ZNF623: variants seen among roughly 807,000 people sequenced by gnomAD.
ZNF623 encodes zinc finger protein 623.
Under a neutral mutation model 24.0 loss-of-function variants are expected in ZNF623, and 16 were observed. That is an observed-to-expected ratio of 0.67 (90% CI 0.45 to 1.01). The LOEUF is 1.01. Ranked by LOEUF, ZNF623 falls within the 50% of genes least tolerant of loss-of-function variation. The probability of loss-of-function intolerance (pLI) is 0.00; values close to 1 mark genes in which losing one functional copy is unlikely to be tolerated. For missense variants in ZNF623, 566 were observed against 606.5 expected (o/e 0.93, Z 0.70); for synonymous variants, 224 against 219.8 (o/e 1.02, Z -0.17).
At position 143,641,038 on chromosome 8, in the gene ZNF623, C is replaced by T. The variant is rs894675102; in HGVS notation, c.-96+4893C>T. ...AATTCAGTGACATCTTTAGGCTACA[C>T]TTCTAAATCTAGCTCTCTTGCTATT... On this transcript the variant is annotated intron_variant, in intron 1 of 1. Transcript: ENST00000526926. Among the ~76,000 whole-genome samples the T allele has an allele frequency of 2.0e-5, 3 of 149,570 alleles. No individual in the cohort carries two copies. In the South Asian group the frequency reaches 6.5e-4, roughly 32 times the overall value.
At position 143,650,232 on chromosome 8, in the gene ZNF623, G is replaced by A. The variant is rs1022885143; in HGVS notation, c.240G>A (p.Gly80=). The change falls in exon 2 of 2, where the codon GGG becomes GGA. Residue 80 remains glycine, a synonymous_variant. Transcript: ENST00000526926. This position sits in a 1 kb window ranked among gnomAD's most constrained non-coding sequence, Gnocchi z 5.2. The stretch of plus-strand genomic sequence containing the variant: ...TGCTTCAGAGAGAGCTCATAGAGGG[G>A]GAAGCCAATCCTTGCGATATCTGTG... The part of the protein sequence containing the change: ...LLLLQRELIE[G]EANPCDICGK... 1.2e-6 allele frequency: 2 copies of A among 1,614,186 alleles called. No homozygotes were observed. The highest frequency in any genetic ancestry group is 4.5e-5 in the East Asian group (2 of 44,882).
chr8:143,649,839 T>A, intron 1 of ZNF623, 59 bp from the exon 2 acceptor site: 1 of 1,566,942 alleles, frequency 6.4e-7, no homozygotes, highest in Non-Finnish European at 8.7e-7. Flanking sequence ...CTGCCCTGAT[T>A]CAGGAGATCC....
Position 143,652,371 on chromosome 8 carries a change from C to G in ZNF623, c.*888C>G, listed in dbSNP as rs138712751. ...AGCACAGGGCAATAAAAAATACACC[C>G]CTAAATCTATGTGTAATTGGCATCT... On this transcript the variant is annotated 3_prime_UTR_variant, in exon 2 of 2. Transcript: ENST00000526926. 9.6e-3 allele frequency: 1,612 copies of G among 167,172 alleles called. 7 individuals are homozygous for G. Among genetic ancestry groups the G allele is most frequent in the Non-Finnish European group, 0.014 (940 of 68,098 alleles). 10.4% of individuals were successfully genotyped at this position (167,172 alleles called of 1,614,324 possible). A position where few individuals can be genotyped will look rare whatever the true frequency, so the allele number is the denominator to read the frequency against.
At chr8:143,645,053 G>A (rs1237807674) in intron 1 of ZNF623, among the ~76,000 whole-genome samples, 2 of 151,980 alleles carry the variant, frequency 1.3e-5, no homozygotes, top group Non-Finnish European at 2.9e-5. Context: ...GCTGGAACCC[G>A]GGAGCTGGAG....
rs941417605 is a variant in ZNF623, at chr8:143,645,334, C to A, written c.-95-4564C>A. Among the ~76,000 whole-genome samples, 5 of 149,512 alleles carry A rather than the reference C, an allele frequency of 3.3e-5. No homozygotes were observed. In the Admixed American group the frequency reaches 3.3e-4, roughly 10 times the overall value. On this transcript the variant is annotated intron_variant, in intron 1 of 1. Transcript: ENST00000526926. ...GCGGGCGCCTGTAGTCCCAGTTGCT[C>A]GGCAGGAGAATGGCGTGAACCCAGG...
chr8:143,636,087 G>C lies in ZNF623; in HGVS notation c.-154G>C, dbSNP rs1168036244. 2 of 152,192 alleles carry C rather than the reference G, an allele frequency of 1.3e-5. No homozygotes were observed. Among genetic ancestry groups the C allele is most frequent in the African/African-American group, 4.8e-5 (2 of 41,456 alleles). 9.4% of individuals were successfully genotyped at this position (152,192 alleles called of 1,614,324 possible). ...GCTGATCTGTGGGGCCCGCGCCGGC[G>C]GGGTCCAGTCAGCGGCTGCAGGGTC... On this transcript the variant is annotated 5_prime_UTR_variant, in exon 1 of 2. Transcript: ENST00000526926.
chr8:143,644,610 C>T (rs947586316), intron 1 of ZNF623, among the ~76,000 whole-genome samples: 2 of 152,110 alleles, frequency 1.3e-5, no homozygotes, highest in Admixed American at 1.3e-4. Context: ...AAATACATGG[C>T]TGGGTGTGGT....
At chr8:143,637,698 C>T (rs1229675471) in intron 1 of ZNF623, among the ~76,000 whole-genome samples, 1 of 152,120 alleles carries the variant, frequency 6.6e-6, no homozygotes, top group African/African-American at 2.4e-5. Context: ...TACAGGCACA[C>T]GGCACCACGT....
chr8:143,636,587 C>T (rs772660855), intron 1 of ZNF623, among the ~76,000 whole-genome samples: 23 of 152,128 alleles, frequency 1.5e-4, no homozygotes, highest in Non-Finnish European at 3.4e-4. Flanking sequence ...CGCGGCTGTG[C>T]CTGAACCCTG....
intron 1 of ZNF623, chr8:143,636,353 G>A (rs964815404): frequency 6.6e-6 from 1 of 152,288 alleles, no homozygotes; most frequent in African/African-American, 2.4e-5. Flanking sequence ...GCGAGGCTGC[G>A]GCGTCTCTCC....
At chr8:143,645,247 T>A (rs543576067) in intron 1 of ZNF623, among the ~76,000 whole-genome samples, 43 of 152,056 alleles carry the variant, frequency 2.8e-4, no homozygotes, top group South Asian at 8.3e-4. Flanking sequence ...ATCGAGACCA[T>A]CCTGGCTAAC....
Position 143,650,639 on chromosome 8 carries a change from T to C in ZNF623, c.647T>C (p.Ile216Thr). The C allele has an allele frequency of 6.2e-7, 1 of 1,614,016 alleles. No individual in the cohort carries two copies. The change falls in exon 2 of 2, where the codon ATT becomes ACT. Residue 216 changes from isoleucine (I) to threonine (T), a missense_variant. Ile to Thr is a moderately conservative substitution (Grantham distance 89). This residue lies in a region of ZNF623 where 313 missense variants were observed against 300.4 expected (regional missense o/e 1.04). Coordinates refer to ENST00000526926, the MANE Select transcript of ZNF623 (RefSeq NM_001261843.2). This position sits in a 1 kb window ranked among gnomAD's most constrained non-coding sequence, Gnocchi z 5.2. Reference protein sequence around the residue: ...QSSLLIRHQRIHTGERPYECN... With the variant: ...QSSLLIRHQRTHTGERPYECN... Reference sequence around the variant, plus strand: ...TCCTTACTTATTCGCCATCAGAGGATTCACACGGGAGAAAGGCCCTATGAG... The same window carrying C: ...TCCTTACTTATTCGCCATCAGAGGACTCACACGGGAGAAAGGCCCTATGAG...
At chr8:143,637,799 C>T (rs1376473498) in intron 1 of ZNF623, among the ~76,000 whole-genome samples, 4 of 152,098 alleles carry the variant, frequency 2.6e-5, no homozygotes, top group African/African-American at 7.2e-5. Flanking sequence ...CTGCCCACCT[C>T]GGCTTCCCAA....
chr8:143,641,991 G>A (rs997160342), intron 1 of ZNF623, among the ~76,000 whole-genome samples: 5 of 152,170 alleles, frequency 3.3e-5, no homozygotes, highest in Admixed American at 2.0e-4. Flanking sequence ...CGCCCCTAAC[G>A]AGAGTCAGCC....
In ZNF623 at chr8:143,651,635, C is replaced by G. The variant is rs12679735; in HGVS notation, c.*152C>G. On this transcript the variant is annotated 3_prime_UTR_variant, in exon 2 of 2. Transcript: ENST00000526926. ...CCACCTGCCACTGTGCAGCCCTACT[C>G]GGCTCAGCCCTTCTCCTCAGCTGTG... 1.2e-6 allele frequency: 1 copy of G among 829,314 alleles called. No individual in the cohort carries two copies. Among genetic ancestry groups the G allele is most frequent in the Admixed American group, 3.0e-5 (1 of 33,162 alleles). The allele number at this position is 829,314 out of a possible 1,614,324, so 51.4% of individuals were successfully genotyped here.
Position 143,651,906 on chromosome 8 carries a change from C to T in ZNF623, c.*423C>T, listed in dbSNP as rs193297197. Reference sequence around the variant, plus strand: ...AGAAAGGTAACTCGTGTATGAACCCCGAGCCATTTCCCTGTTGTCCTGAGG... The same window carrying T: ...AGAAAGGTAACTCGTGTATGAACCCTGAGCCATTTCCCTGTTGTCCTGAGG... On this transcript the variant is annotated 3_prime_UTR_variant, in exon 2 of 2. Coordinates refer to ENST00000526926, the MANE Select transcript of ZNF623 (RefSeq NM_001261843.2). 8 of 173,090 alleles carry T rather than the reference C, an allele frequency of 4.6e-5. No individual in the cohort carries two copies. Among genetic ancestry groups the T allele is most frequent in the South Asian group, 4.0e-4 (2 of 5,050 alleles). 10.7% of individuals were successfully genotyped at this position (173,090 alleles called of 1,614,324 possible).
chr8:143,643,441 G>C (rs1815104138), intron 1 of ZNF623, among the ~76,000 whole-genome samples: 2 of 152,252 alleles, frequency 1.3e-5, no homozygotes, highest in Admixed American at 1.3e-4. Flanking sequence ...CTGGGAGAGG[G>C]CTTGGCACTG....
chr8:143,651,858 G>A lies in ZNF623; in HGVS notation c.*375G>A, dbSNP rs1329411320. 5.0e-6 allele frequency: 1 copy of A among 200,750 alleles called. No homozygotes were observed. The highest frequency in any genetic ancestry group is 1.1e-5 in the Non-Finnish European group (1 of 90,682). 12.4% of individuals were successfully genotyped at this position (200,750 alleles called of 1,614,324 possible). Reference sequence around the variant, plus strand: ...TACGATTTAGGAGAATGTTACCTAGGACATTTTGATGTGTTAAGTTGAAGA... The same window carrying A: ...TACGATTTAGGAGAATGTTACCTAGAACATTTTGATGTGTTAAGTTGAAGA... On this transcript the variant is annotated 3_prime_UTR_variant, in exon 2 of 2. Transcript: ENST00000526926.
At chr8:143,646,841 T>A (rs919623584) in intron 1 of ZNF623, among the ~76,000 whole-genome samples, 4 of 152,066 alleles carry the variant, frequency 2.6e-5, no homozygotes, top group Non-Finnish European at 5.9e-5. Flanking sequence ...TTTAAAAATG[T>A]TTTTTGTAGA....
Sources: gnomAD v4.1 joint callset for allele counts (sites outside exome capture counted in the v4.1 genomes callset) on GRCh38, gnomAD v4.1.1 for gene constraint, gnomAD v4.1.1 regional missense constraint, Gnocchi (gnomAD v3.1) non-coding constraint, MANE v1.5 for transcripts, NCBI Gene and HGNC (gene_info 2026-07-23, HGNC 2026-07-21) for gene names.